CD58: variants seen among roughly 807,000 people sequenced by gnomAD.
CD58 encodes the protein CD58 molecule.
CD58 carries 14 observed loss-of-function variants against 27.6 expected under a neutral mutation model. The observed-to-expected ratio is 0.51, with a 90% CI of 0.34 to 0.79. The LOEUF (loss-of-function observed/expected upper bound fraction) is 0.79, where lower values mean the gene tolerates loss of function less well. Among genes scored for constraint, CD58 ranks in the 30% least tolerant of loss-of-function variants. The pLI is 0.02. For missense variants in CD58, 268 were observed against 301.7 expected (o/e 0.89, Z 0.83); for synonymous variants, 117 against 103.8 (o/e 1.13, Z -0.77).
intron 3 of CD58, among the ~76,000 whole-genome samples, chr1:116,526,355 A>C (rs945002739): frequency 3.9e-5 from 6 of 152,168 alleles, no homozygotes; most frequent in African/African-American, 1.2e-4. Flanking sequence ...ATTTTGAGTA[A>C]AATTTTGTGA....
intron 2 of CD58, 67 bp downstream of exon 2, chr1:116,544,244 T>A: frequency 1.9e-6 from 2 of 1,063,250 alleles, no homozygotes; most frequent in Non-Finnish European, 1.4e-6. Context: ...TTTGTGCTAG[T>A]CTCTGAAAAC....
rs544990883 is a variant in CD58 at position 116,569,743 on chromosome 1, A to G, written c.70+1160T>C. ...CAGCCTTCCGAGTAGCTGGGACTAT[A>G]GGTATGCGCCACCACGCTCAGCTAA... is the stretch of plus-strand genomic sequence containing the variant. On this transcript the variant is annotated intron_variant, in intron 1 of 5. Transcript: ENST00000369489. Among the ~76,000 whole-genome samples, 19 of 151,778 alleles carry G rather than the reference A, an allele frequency of 1.3e-4. No homozygotes were observed. In the South Asian group the frequency reaches 3.7e-3, roughly 30 times the overall value.
chr1:116,554,530 T>C (rs995665038), intron 1 of CD58, among the ~76,000 whole-genome samples: 1 of 151,870 alleles, frequency 6.6e-6, no homozygotes, highest in African/African-American at 2.4e-5. Context: ...TACCAAAAAA[T>C]ATATATATAT....
Position 116,517,969 on chromosome 1 carries a change from G to A in CD58, c.743+1262C>T, listed in dbSNP as rs1009608208. ...CTTTTATTTTTCTTGAAAAATAATA[G>A]TAACAATAGTCATAATGGCTAACAT... is the stretch of plus-strand genomic sequence containing the variant. On this transcript the variant is annotated intron_variant, in intron 5 of 5. Transcript: ENST00000369489. The surrounding 1 kb of genome is among the most constrained non-coding windows in gnomAD (Gnocchi z 6.5). Among the ~76,000 whole-genome samples the A allele has an allele frequency of 9.2e-5, 14 of 151,902 alleles. No individual in the cohort carries two copies. The highest frequency in any genetic ancestry group is 9.2e-4 in the Admixed American group (14 of 15,246).
At chr1:116,526,487 CAGTTGACCAT>C (rs1657438623) in intron 3 of CD58, among the ~76,000 whole-genome samples, 1 of 152,204 alleles carries the variant, frequency 6.6e-6, no homozygotes, top group South Asian at 2.1e-4. Flanking sequence ...TGTCAAAGAT[CAGTTGACCAT>C]ATTTATGTTG....
rs1657813986 is a variant in CD58, at chr1:116,536,515, T to C, written c.365-287A>G. Among the ~76,000 whole-genome samples the C allele has an allele frequency of 1.3e-5, 2 of 152,096 alleles. No individual in the cohort carries two copies. The highest frequency in any genetic ancestry group is 2.4e-5 in the African/African-American group (1 of 41,426). ...GAGAGAGGGACCTGGTGGGAGGTGA[T>C]TGTACCATGGGGGATGGTTTCCCCA... On this transcript the variant is annotated intron_variant, in intron 2 of 5. Transcript: ENST00000369489. This position sits in a 1 kb window ranked among gnomAD's most constrained non-coding sequence, Gnocchi z 5.4.
chr1:116,519,010 T>G lies in CD58; in HGVS notation c.743+221A>C. 2 of 1,118,814 alleles carry G rather than the reference T, an allele frequency of 1.8e-6. No homozygotes were observed. Among genetic ancestry groups the G allele is most frequent in the Non-Finnish European group, 2.4e-6 (2 of 818,166 alleles). 69.3% of individuals were successfully genotyped at this position (1,118,814 alleles called of 1,614,324 possible). A position where few individuals can be genotyped will look rare whatever the true frequency, so the allele number is the denominator to read the frequency against. ...TATGATACTCCTCCTGCAAGGCTCA[T>G]TGAGAGGGTTCCAGGAAACGATATG... On this transcript the variant is annotated intron_variant, in intron 5 of 5. Transcript: ENST00000369489. The surrounding 1 kb of genome is among the most constrained non-coding windows in gnomAD (Gnocchi z 4.7).
rs1403993190 is a variant in CD58, at chr1:116,527,292, G to A, written c.629-5309C>T. ...AAGCTTCAAGTTTCTCACCATTACAGATGATGTTAGCTGCAGGGTTTTTTG... is the reference window on the plus strand; with the variant it reads ...AAGCTTCAAGTTTCTCACCATTACAAATGATGTTAGCTGCAGGGTTTTTTG... On this transcript the variant is annotated intron_variant, in intron 3 of 5. Coordinates refer to ENST00000369489, the MANE Select transcript of CD58 (RefSeq NM_001779.3). This position sits in a 1 kb window ranked among gnomAD's most constrained non-coding sequence, Gnocchi z 4.4. Among the ~76,000 whole-genome samples the A allele has an allele frequency of 6.6e-6, 1 of 152,182 alleles. No homozygotes were observed. Among genetic ancestry groups the A allele is most frequent in the Non-Finnish European group, 1.5e-5 (1 of 68,022 alleles).
intron 2 of CD58, among the ~76,000 whole-genome samples, chr1:116,542,560 A>G (rs950489159): frequency 5.9e-5 from 9 of 152,228 alleles, no homozygotes; most frequent in Non-Finnish European, 8.8e-5. Flanking sequence ...TAAAGTGAAG[A>G]CAGCAGGTGG....
In CD58 at chr1:116,527,627, T is replaced by C. The variant is rs1316246814; in HGVS notation, c.629-5644A>G. Among the ~76,000 whole-genome samples, 1 of 152,244 alleles carries C rather than the reference T, an allele frequency of 6.6e-6. No individual in the cohort carries two copies. Among genetic ancestry groups the C allele is most frequent in the Non-Finnish European group, 1.5e-5 (1 of 68,046 alleles). On this transcript the variant is annotated intron_variant, in intron 3 of 5. Transcript: ENST00000369489. This position sits in a 1 kb window ranked among gnomAD's most constrained non-coding sequence, Gnocchi z 4.4. ...CATGTATGTTCATGAGAAATATTTGTCTTAATTTTCTTTTCTTGTATTGTT... is the reference window on the plus strand; with the variant it reads ...CATGTATGTTCATGAGAAATATTTGCCTTAATTTTCTTTTCTTGTATTGTT...
At chr1:116,553,226 T>G (rs1192526543) in intron 1 of CD58, among the ~76,000 whole-genome samples, 1 of 151,896 alleles carries the variant, frequency 6.6e-6, no homozygotes, top group Non-Finnish European at 1.5e-5. Flanking sequence ...TGTATTATAG[T>G]TTTTTTTCAA....
chr1:116,533,936 A>T, intron 3 of CD58: 1 of 1,420,632 alleles, frequency 7.0e-7, no homozygotes, highest in South Asian at 1.2e-5. Flanking sequence ...ATGTAGCTGG[A>T]AGGGGTGTGA....
chr1:116,551,974 A>T lies in CD58; in HGVS notation c.71-7370T>A, dbSNP rs1405473649. Among the ~76,000 whole-genome samples the T allele has an allele frequency of 7.2e-5, 11 of 152,138 alleles. No individual in the cohort carries two copies. In the East Asian group the frequency reaches 2.1e-3, roughly 29 times the overall value. Reference sequence around the variant, plus strand: ...AGGTTGGTCTCAAACTTCTGACCTCAGGTGATCCACCCACCTTGGCCTCCC... The same window carrying T: ...AGGTTGGTCTCAAACTTCTGACCTCTGGTGATCCACCCACCTTGGCCTCCC... On this transcript the variant is annotated intron_variant, in intron 1 of 5. Coordinates refer to ENST00000369489, the MANE Select transcript of CD58 (RefSeq NM_001779.3).
In CD58 at chr1:116,521,958, A is replaced by C. The variant is rs1225045127; in HGVS notation, c.654T>G (p.Leu218=). ...TAATTACTGCTAATGGTATGGGTAT[A>C]AGTGCATATCTGTGTCTTGAATGAC... ...SSGHSRHRYA[L]IPIPLAVITT... The change falls in exon 4 of 6, where the codon CTT becomes CTG. Residue 218 remains leucine (L), a synonymous_variant. Transcript: ENST00000369489. The surrounding 1 kb of genome is among the most constrained non-coding windows in gnomAD (Gnocchi z 5.6). 2.5e-6 allele frequency: 4 copies of C among 1,581,932 alleles called. No homozygotes were observed. In the South Asian group the frequency reaches 4.5e-5, roughly 18 times the overall value.
Position 116,531,372 on chromosome 1 carries a change from C to T in CD58, c.628+4593G>A, listed in dbSNP as rs546831119. ...TAAAACTTTTCAAGATTTCAACTTG[C>T]TTGCTCTGTCTATATGTGGTCATCT... On this transcript the variant is annotated intron_variant, in intron 3 of 5. Coordinates refer to ENST00000369489, the MANE Select transcript of CD58 (RefSeq NM_001779.3). The surrounding 1 kb of genome is among the most constrained non-coding windows in gnomAD (Gnocchi z 4.5). 6.6e-6 allele frequency among the ~76,000 whole-genome samples: 1 copy of T among 152,372 alleles called. No individual in the cohort carries two copies. Among genetic ancestry groups the T allele is most frequent in the South Asian group, 2.1e-4 (1 of 4,830 alleles).
In CD58 at chr1:116,534,015, C is replaced by A; in HGVS notation, c.628+1950G>T. 1.5e-6 allele frequency: 2 copies of A among 1,300,100 alleles called. No homozygotes were observed. Among genetic ancestry groups the A allele is most frequent in the Non-Finnish European group, 2.2e-6 (2 of 899,124 alleles). 80.5% of individuals were successfully genotyped at this position (1,300,100 alleles called of 1,614,324 possible). On this transcript the variant is annotated intron_variant, in intron 3 of 5. Transcript: ENST00000369489. This position sits in a 1 kb window ranked among gnomAD's most constrained non-coding sequence, Gnocchi z 5.3. ...GATTCTGCATCACCTGATCCGTGAG[C>A]TTTTCCGTCTTACTTGCATTTTTAG...
Position 116,529,592 on chromosome 1 carries a change from T to C in CD58, c.628+6373A>G, listed in dbSNP as rs75377009. On this transcript the variant is annotated intron_variant, in intron 3 of 5. Coordinates refer to ENST00000369489, the MANE Select transcript of CD58 (RefSeq NM_001779.3). ...TGGCTTTGCTCTTAATAAATGTGTATATTTGGTCAAGTTATTTAACCTCAC... is the reference window on the plus strand; with the variant it reads ...TGGCTTTGCTCTTAATAAATGTGTACATTTGGTCAAGTTATTTAACCTCAC... 2.0e-4 allele frequency among the ~76,000 whole-genome samples: 30 copies of C among 152,334 alleles called. No individual in the cohort carries two copies. In the East Asian group the frequency reaches 5.4e-3, roughly 27 times the overall value.
rs996944379 is a variant in CD58 at position 116,534,430 on chromosome 1, C to T, written c.628+1535G>A. Among the ~76,000 whole-genome samples the T allele has an allele frequency of 1.3e-5, 2 of 152,294 alleles. No individual in the cohort carries two copies. Among genetic ancestry groups the T allele is most frequent in the South Asian group, 2.1e-4 (1 of 4,780 alleles). ...AGCCTGAATGCTCCTCCGGGTGCGC[C>T]GCGGCCCTCCGGGTACGCGGGGCTG... On this transcript the variant is annotated intron_variant, in intron 3 of 5. Transcript: ENST00000369489. This position sits in a 1 kb window ranked among gnomAD's most constrained non-coding sequence, Gnocchi z 5.3.
Position 116,524,475 on chromosome 1 carries a change from GC to G in CD58, c.629-2493del, listed in dbSNP as rs1221823683. ...CAAAATACATTAATGGGTCATGCTGGCATTATGCTGAACCCTATTAAGCTGC... is the reference window on the plus strand; with the variant it reads ...CAAAATACATTAATGGGTCATGCTGGATTATGCTGAACCCTATTAAGCTGC... On this transcript the variant is annotated intron_variant, in intron 3 of 5. Transcript: ENST00000369489. This position sits in a 1 kb window ranked among gnomAD's most constrained non-coding sequence, Gnocchi z 4.6. Among the ~76,000 whole-genome samples the G allele has an allele frequency of 6.6e-6, 1 of 152,148 alleles. No homozygotes were observed. Among genetic ancestry groups the G allele is most frequent in the African/African-American group, 2.4e-5 (1 of 41,408 alleles).
Sources: gnomAD v4.1 joint callset for allele counts (sites outside exome capture counted in the v4.1 genomes callset) on GRCh38, gnomAD v4.1.1 for gene constraint, Gnocchi (gnomAD v3.1) non-coding constraint, MANE v1.5 for transcripts, NCBI Gene and HGNC (gene_info 2026-07-23, HGNC 2026-07-21) for gene names.